The following RANBP2 variants were observed in gnomAD, a reference collection of about 807,000 sequenced individuals.
The protein encoded by RANBP2 is RAN binding protein 2, also known as E3 SUMO-protein ligase RanBP2.
A neutral mutation model predicts 303.6 loss-of-function variants in RANBP2; 57 were observed. The ratio of observed to expected loss-of-function variants is 0.19; its 90% confidence interval spans 0.15 to 0.23. The LOEUF is 0.23. Among genes scored for constraint, RANBP2 ranks in the 10% least tolerant of loss-of-function variants. The pLI, the probability that RANBP2 is intolerant of heterozygous loss-of-function variation, is 1.00. For synonymous variants in RANBP2, 1,167 were observed against 1,301.5 expected (o/e 0.90, Z 2.23); for missense variants, 3,138 against 3,780.8 (o/e 0.83, Z 4.46).
At chr2:108,832,319 A>G in the RANBP2 span, among the ~76,000 whole-genome samples, 2 of 145,586 alleles carry the variant, frequency 1.4e-5, no homozygotes, top group African/African-American at 5.1e-5. Flanking sequence ...GACCCACCAC[A>G]CCTGGCCAGA....
the RANBP2 span, among the ~76,000 whole-genome samples, chr2:109,610,716 CA>C: frequency 1.4e-5 from 2 of 147,948 alleles, no homozygotes; most frequent in Non-Finnish European, 3.0e-5. Flanking sequence ...ATTCCGTCTT[CA>C]AAAAAAAAGA....
intron 26 of RANBP2, 123 bp downstream of exon 26, chr2:108,781,552 C>A: frequency 1.1e-6 from 1 of 880,268 alleles, no homozygotes; most frequent in Non-Finnish European, 1.8e-6. Flanking sequence ...GAAATGGAAG[C>A]TCTATTTATT....
At chr2:109,502,606 G>A in the RANBP2 span, 1 of 152,182 alleles carries the variant, frequency 6.6e-6, no homozygotes, top group Non-Finnish European at 1.5e-5. Context: ...AGGGAGCTTG[G>A]AAGCAGCCGG....
chr2:109,101,219 TA>T, the RANBP2 span, among the ~76,000 whole-genome samples: 3 of 151,954 alleles, frequency 2.0e-5, no homozygotes, highest in Non-Finnish European at 4.4e-5. Context: ...TTCATAAAAA[TA>T]AAAATGTAGA....
chr2:108,872,471 T>C, the RANBP2 span, among the ~76,000 whole-genome samples: 1 of 152,234 alleles, frequency 6.6e-6, no homozygotes, highest in Non-Finnish European at 1.5e-5. Flanking sequence ...AACCATTGTC[T>C]CCAGTGCTCC....
the RANBP2 span, among the ~76,000 whole-genome samples, chr2:109,406,919 C>T: frequency 4.6e-5 from 7 of 152,196 alleles, no homozygotes; most frequent in Admixed American, 6.5e-5. Flanking sequence ...TGAGGAGAAC[C>T]GTCCCCAGGT....
At chr2:109,011,334 G>T in the RANBP2 span, among the ~76,000 whole-genome samples, 3 of 152,130 alleles carry the variant, frequency 2.0e-5, no homozygotes, top group Non-Finnish European at 4.4e-5. Context: ...TTCATAGTTT[G>T]GATGGGCATA....
the RANBP2 span, among the ~76,000 whole-genome samples, chr2:109,293,575 G>A: frequency 2.0e-5 from 3 of 152,216 alleles, no homozygotes; most frequent in South Asian, 6.2e-4. Flanking sequence ...AGGGTGTGAA[G>A]CCCATGCCAA....
chr2:108,906,494 C>T, the RANBP2 span: 1,439 of 968,038 alleles, frequency 1.5e-3, 15 homozygotes, highest in African/African-American at 0.02. Context: ...ACACAGCCCC[C>T]GTGTCAGCAG....
chr2:109,404,770 C>T, the RANBP2 span, among the ~76,000 whole-genome samples: 6 of 152,264 alleles, frequency 3.9e-5, no homozygotes, highest in African/African-American at 1.4e-4. Flanking sequence ...CGACTCTCTG[C>T]AGTCCGATCT....
chr2:108,960,409 T>C, the RANBP2 span, among the ~76,000 whole-genome samples: 1 of 152,174 alleles, frequency 6.6e-6, no homozygotes, highest in African/African-American at 2.4e-5. Flanking sequence ...GGTTCACCTG[T>C]GGTGCTCCCC....
the RANBP2 span, among the ~76,000 whole-genome samples, chr2:109,275,782 T>C: frequency 9.9e-5 from 15 of 152,220 alleles, no homozygotes; most frequent in African/African-American, 3.6e-4. Context: ...TGACAGTTTA[T>C]GAAGCGAGGC....
chr2:109,315,753 G>A, the RANBP2 span, among the ~76,000 whole-genome samples: 2 of 152,216 alleles, frequency 1.3e-5, no homozygotes, highest in African/African-American at 2.4e-5. Context: ...TGGCTATTGT[G>A]ACATTTAGAG....
chr2:109,197,183 G>A, the RANBP2 span, among the ~76,000 whole-genome samples: 85 of 152,294 alleles, frequency 5.6e-4, no homozygotes, highest in Middle Eastern at 0.01. Flanking sequence ...CCAGGAAGGC[G>A]GTAGTCTTGT....
chr2:109,662,716 C>A, the RANBP2 span, among the ~76,000 whole-genome samples: 2 of 152,150 alleles, frequency 1.3e-5, no homozygotes, highest in African/African-American at 4.8e-5. Flanking sequence ...CGGCCTCACC[C>A]TCTATATTTC....
downstream of RANBP2, among the ~76,000 whole-genome samples, chr2:108,787,480 A>T (rs1191999138): frequency 6.6e-6 from 1 of 152,164 alleles, no homozygotes; most frequent in African/African-American, 2.4e-5. Context: ...AAGCATAAGG[A>T]CGTTGTCTTT....
the RANBP2 span, among the ~76,000 whole-genome samples, chr2:109,365,957 G>A: frequency 2.0e-4 from 31 of 152,208 alleles, no homozygotes; most frequent in African/African-American, 7.2e-4. Context: ...TCATTTAGAA[G>A]CACAAGAAAA....
chr2:109,429,376 TC>T, the RANBP2 span, among the ~76,000 whole-genome samples: 64 of 151,904 alleles, frequency 4.2e-4, no homozygotes, highest in African/African-American at 1.4e-3. Context: ...ACATTCCAGT[TC>T]CCCCAGCAAC....
the RANBP2 span, among the ~76,000 whole-genome samples, chr2:109,113,704 T>C: frequency 6.6e-6 from 1 of 152,358 alleles, no homozygotes; most frequent in East Asian, 1.9e-4. Flanking sequence ...GGCATCCCTG[T>C]CTTGTGCCAG....
Sources: gnomAD v4.1 joint callset for allele counts (sites outside exome capture counted in the v4.1 genomes callset) on GRCh38, gnomAD v4.1.1 for gene constraint, MANE v1.5 for transcripts, NCBI Gene and HGNC (gene_info 2026-07-23, HGNC 2026-07-21) for gene names.